Variants in HAUS6 observed in about 807,000 individuals in gnomAD.
The protein encoded by HAUS6 is HAUS augmin-like complex subunit 6.
Under a neutral mutation model 106.8 loss-of-function variants are expected in HAUS6, and 80 were observed. That is an observed-to-expected ratio of 0.75 (90% CI 0.63 to 0.90). HAUS6 has a LOEUF of 0.90. HAUS6 is among the 40% of genes least tolerant of loss of function. The pLI, the probability that HAUS6 is intolerant of heterozygous loss-of-function variation, is 0.00. For missense variants in HAUS6, 1,155 were observed against 1,118.1 expected, an observed-to-expected ratio of 1.03 and a Z score of -0.47; for synonymous variants, 356 against 379.1, an observed-to-expected ratio of 0.94 and a Z score of 0.71.
chr9:19,068,562 T>C (rs1043579483), intron 12 of HAUS6, among the ~76,000 whole-genome samples: 2 of 152,210 alleles, frequency 1.3e-5, no homozygotes, highest in Non-Finnish European at 2.9e-5. Flanking sequence ...TGTTACAGCT[T>C]ATTAACTTAC....
intron 8 of HAUS6, among the ~76,000 whole-genome samples, chr9:19,081,383 G>A (rs1837146216): frequency 6.6e-6 from 1 of 151,946 alleles, no homozygotes; most frequent in Admixed American, 6.6e-5. Context: ...TGTTTCTTTG[G>A]CTTGCACATT....
chr9:19,100,610 G>C (rs1817967537), intron 1 of HAUS6, among the ~76,000 whole-genome samples: 2 of 152,320 alleles, frequency 1.3e-5, no homozygotes, highest in East Asian at 3.9e-4. Flanking sequence ...ATCAGTATAT[G>C]AAAGAGGCAT....
rs776798047 is a variant in HAUS6 at position 19,078,302 on chromosome 9, C to A, written c.1065G>T (p.Arg355Ser). ...KERLSDLKHMRYRIKDDLTTI... is the reference protein window; with the variant it reads ...KERLSDLKHMSYRIKDDLTTI... ...TTGTGAGATCATCTTTTATTCTATA[C>A]CTATAATAGCATAAAAAAACTTTAT... The change falls in exon 10 of 17, where the codon AGG becomes AGT. Residue 355 changes from arginine to serine, a missense_variant and splice_region_variant. By Grantham distance (110) the Arg-to-Ser change is moderately radical. Around this residue, in one of 3 missense-constraint regions of HAUS6, gnomAD observed 761 missense variants for 690.0 expected, o/e 1.10. Coordinates refer to ENST00000380502, the MANE Select transcript of HAUS6 (RefSeq NM_017645.5). The A allele has an allele frequency of 2.1e-6, 3 of 1,431,626 alleles. No individual in the cohort carries two copies. Among genetic ancestry groups the A allele is most frequent in the South Asian group, 2.4e-5 (2 of 81,778 alleles). 88.7% of individuals were successfully genotyped at this position (1,431,626 alleles called of 1,614,324 possible). A position where few individuals can be genotyped will look rare whatever the true frequency, so the allele number is the denominator to read the frequency against.
intron 14 of HAUS6, among the ~76,000 whole-genome samples, chr9:19,061,372 T>C (rs1053789878): frequency 6.6e-6 from 1 of 152,202 alleles, no homozygotes; most frequent in Non-Finnish European, 1.5e-5. Flanking sequence ...ATTGCTAATA[T>C]AAATTCTTTT....
Position 19,053,960 on chromosome 9 carries a change from A to G in HAUS6, c.*2383T>C, listed in dbSNP as rs1289793901. The G allele has an allele frequency of 1.3e-5, 2 of 152,194 alleles. No homozygotes were observed. The highest frequency in any genetic ancestry group is 4.8e-5 in the African/African-American group (2 of 41,454). The allele number at this position is 152,194 out of a possible 1,614,324, so 9.4% of individuals were successfully genotyped here. A position where few individuals can be genotyped will look rare whatever the true frequency, so the allele number is the denominator to read the frequency against. ...GACCACATGCAACCATAAAAAATAT[A>G]TAATAAAATCAATTCGTGGGATATT... On this transcript the variant is annotated 3_prime_UTR_variant, in exon 17 of 17. Coordinates refer to ENST00000380502, the MANE Select transcript of HAUS6 (RefSeq NM_017645.5).
At chr9:19,076,517 T>A (rs1837007966) in intron 11 of HAUS6, 85 bp downstream of exon 11, 3 of 727,484 alleles carry the variant, frequency 4.1e-6, no homozygotes, top group South Asian at 3.2e-5. Context: ...AGGAAAAAGA[T>A]AAGGAATTTA....
chr9:19,085,615 CAAAA>C (rs71494997), intron 7 of HAUS6, among the ~76,000 whole-genome samples: 2 of 129,822 alleles, frequency 1.5e-5, no homozygotes, highest in Admixed American at 8.2e-5. Flanking sequence ...AGATTTTATC[CAAAA>C]AAAAAAAAAA....
chr9:19,083,743 A>G lies in HAUS6; in HGVS notation c.700-700T>C, dbSNP rs561929816. ...TGTGAACCCGGCAGGCGGAGCTTGC[A>G]GTAAGCCAAGATCGCGCCACTGCAC... On this transcript the variant is annotated intron_variant, in intron 7 of 16. Coordinates refer to ENST00000380502, the MANE Select transcript of HAUS6 (RefSeq NM_017645.5). Among the ~76,000 whole-genome samples, 16 of 151,710 alleles carry G rather than the reference A, an allele frequency of 1.1e-4. No homozygotes were observed. The East Asian group carries it at 3.1e-3, about 29-fold the overall frequency.
intron 5 of HAUS6, 75 bp downstream of exon 5, chr9:19,089,337 T>G: frequency 1.1e-6 from 1 of 941,284 alleles, no homozygotes; most frequent in Non-Finnish European, 1.7e-6. Context: ...GCATGGATTA[T>G]TTCTCCTGAC....
rs562781889 is a variant in HAUS6, at chr9:19,083,759, G to A, written c.700-716C>T. Among the ~76,000 whole-genome samples, 203 of 148,830 alleles carry A rather than the reference G, an allele frequency of 1.4e-3. 2 individuals carry two copies. Among genetic ancestry groups the A allele is most frequent in the Admixed American group, 0.01 (151 of 14,816 alleles). ...GGAGCTTGCAGTAAGCCAAGATCGCGCCACTGCACTCCAGCCTAGGGGACA... is the reference window on the plus strand; with the variant it reads ...GGAGCTTGCAGTAAGCCAAGATCGCACCACTGCACTCCAGCCTAGGGGACA... On this transcript the variant is annotated intron_variant, in intron 7 of 16. Coordinates refer to ENST00000380502, the MANE Select transcript of HAUS6 (RefSeq NM_017645.5).
rs939039468 is a variant in HAUS6, at chr9:19,093,319, A to G, written c.304-16T>C. ...CACATTCACCCTATGAAGAAAAGAA[A>G]TAAGATGATTTGAAGACCTTGTTAA... On this transcript the variant is annotated splice_polypyrimidine_tract_variant and intron_variant, in intron 3 of 16. Transcript: ENST00000380502. 7 of 1,589,036 alleles carry G rather than the reference A, an allele frequency of 4.4e-6. No individual in the cohort carries two copies. Among genetic ancestry groups the G allele is most frequent in the Middle Eastern group, 3.3e-4 (2 of 6,040 alleles).
intron 11 of HAUS6, among the ~76,000 whole-genome samples, chr9:19,074,386 C>G (rs751606011): frequency 5.9e-5 from 9 of 152,102 alleles, no homozygotes; most frequent in African/African-American, 2.2e-4. Context: ...ATTCTCCTGC[C>G]TCAGCCTCCT....
chr9:19,069,504 C>T (rs1455725840), intron 12 of HAUS6, among the ~76,000 whole-genome samples: 1 of 152,066 alleles, frequency 6.6e-6, no homozygotes, highest in African/African-American at 2.4e-5. Context: ...GCCTGGCCAA[C>T]ATGGTGAAAC....
In HAUS6 at chr9:19,102,521, T is replaced by C. The variant is rs1264677733; in HGVS notation, c.128+3A>G. ...CTCGCCCCGCCGGCCCCGGCCTCCTTACACTCCGAGGTGCGTGTGCGACAC... is the reference window on the plus strand; with the variant it reads ...CTCGCCCCGCCGGCCCCGGCCTCCTCACACTCCGAGGTGCGTGTGCGACAC... On this transcript the variant is annotated splice_donor_region_variant and intron_variant, in intron 1 of 16. Coordinates refer to ENST00000380502, the MANE Select transcript of HAUS6 (RefSeq NM_017645.5). The C allele has an allele frequency of 6.2e-7, 1 of 1,613,188 alleles. No individual in the cohort carries two copies. Among genetic ancestry groups the C allele is most frequent in the Middle Eastern group, 1.7e-4 (1 of 6,054 alleles).
At chr9:19,069,893 A>G (rs1181287271) in intron 12 of HAUS6, among the ~76,000 whole-genome samples, 1 of 152,146 alleles carries the variant, frequency 6.6e-6, no homozygotes. Context: ...GCCAAGAGTT[A>G]AAGACTAGCC....
At chr9:19,080,833 G>A (rs1475745079) in intron 8 of HAUS6, among the ~76,000 whole-genome samples, 161 bp from the exon 9 acceptor site, 2 of 152,162 alleles carry the variant, frequency 1.3e-5, no homozygotes, top group Non-Finnish European at 2.9e-5. Context: ...TCTGGGAGTT[G>A]GGGGTGGTGG....
At chr9:19,075,678 G>C (rs569355556) in intron 11 of HAUS6, among the ~76,000 whole-genome samples, 1 of 151,766 alleles carries the variant, frequency 6.6e-6, no homozygotes, top group East Asian at 1.9e-4. Context: ...AATGGGCCAG[G>C]CACAGTGGCT....
chr9:19,083,917 T>C (rs1837223113), intron 7 of HAUS6, among the ~76,000 whole-genome samples: 1 of 151,182 alleles, frequency 6.6e-6, no homozygotes, highest in African/African-American at 2.4e-5. Context: ...AAGCAAAAAA[T>C]CTTAGGCATA....
chr9:19,065,199 T>C (rs1202082555), intron 12 of HAUS6: 6 of 152,226 alleles, frequency 3.9e-5, no homozygotes, highest in Non-Finnish European at 8.8e-5. Context: ...ACTGGCAACA[T>C]GCTATTAAAC....
Sources: gnomAD v4.1 joint callset for allele counts (sites outside exome capture counted in the v4.1 genomes callset) on GRCh38, gnomAD v4.1.1 for gene constraint, gnomAD v4.1.1 regional missense constraint, MANE v1.5 for transcripts, NCBI Gene and HGNC (gene_info 2026-07-23, HGNC 2026-07-21) for gene names.